PRH1: variants seen among roughly 807,000 people sequenced by gnomAD.
PRH1 encodes the protein salivary acidic proline-rich phosphoprotein 1/2.
A neutral mutation model predicts 7.9 loss-of-function variants in PRH1; 7 were observed. That is an observed-to-expected ratio of 0.89 (90% confidence interval 0.50 to 1.67). The LOEUF (loss-of-function observed/expected upper bound fraction) is 1.67, where lower values mean the gene tolerates loss of function less well. PRH1 is among the 40% of genes most tolerant of loss of function. PRH1 has a pLI of 0.00. For missense variants in PRH1, 109 were observed against 223.6 expected, an observed-to-expected ratio of 0.49 and a Z score of 3.27; for synonymous variants, 45 against 80.8, an observed-to-expected ratio of 0.56 and a Z score of 2.38.
At chr12:11,077,719 GA>G in intron 1 of PRH1, 1 of 1,220,634 alleles carries the variant, frequency 8.2e-7, no homozygotes, top group Non-Finnish European at 1.2e-6. Flanking sequence ...AGTCAAGTTT[GA>G]AAGGTGTATT....
intron 1 of PRH1, among the ~76,000 whole-genome samples, chr12:11,039,749 C>A (rs1354290589): frequency 2.0e-5 from 3 of 152,206 alleles, no homozygotes; most frequent in Admixed American, 2.0e-4. Context: ...GGCCAATAAT[C>A]CTTAAATCCT....
intron 1 of PRH1, among the ~76,000 whole-genome samples, chr12:11,144,617 T>C (rs1946809906): frequency 6.6e-6 from 1 of 152,234 alleles, no homozygotes; most frequent in East Asian, 1.9e-4. Context: ...AGGAGGCTTC[T>C]TGACCAGTTC....
intron 1 of PRH1, among the ~76,000 whole-genome samples, chr12:11,062,952 CAT>C (rs776529078): frequency 1.3e-4 from 20 of 152,100 alleles, no homozygotes; most frequent in South Asian, 4.1e-4. Context: ...CAAACACACA[CAT>C]GTGCACACCA....
At chr12:10,932,757 C>G (rs893282696) in intron 2 of PRH1, among the ~76,000 whole-genome samples, 18 of 152,114 alleles carry the variant, frequency 1.2e-4, no homozygotes, top group Non-Finnish European at 7.4e-5. Flanking sequence ...ATGATTCTTA[C>G]CATTCTTAAG....
At chr12:11,093,625 T>A (rs1944997189) in intron 1 of PRH1, among the ~76,000 whole-genome samples, 1 of 115,918 alleles carries the variant, frequency 8.6e-6, no homozygotes, top group Non-Finnish European at 2.0e-5. Flanking sequence ...TTAGCAATTT[T>A]ATAACAATTC....
At chr12:11,168,381 AAAG>A (rs1565726555) in intron 1 of PRH1, among the ~76,000 whole-genome samples, 1 of 5,628 alleles carries the variant, frequency 1.8e-4, no homozygotes, top group African/African-American at 2.7e-4. Flanking sequence ...AGAAAGAAAG[AAAG>A]AAAGAAAGAA....
intron 2 of PRH1, among the ~76,000 whole-genome samples, chr12:10,933,473 A>G (rs2135874071): frequency 6.6e-6 from 1 of 152,208 alleles, no homozygotes; most frequent in East Asian, 1.9e-4. Flanking sequence ...AGTAATAACT[A>G]TAAATCTCAC....
chr12:11,137,682 C>T (rs547981383), intron 1 of PRH1, among the ~76,000 whole-genome samples: 1 of 152,276 alleles, frequency 6.6e-6, no homozygotes, highest in Non-Finnish European at 1.5e-5. Flanking sequence ...AAATAAACTA[C>T]ACTTAATTTC....
In PRH1 at chr12:11,168,359, AAAAGAAAGAAAAGAAAGAAAGAAAGAAAG is replaced by A. The variant is rs1219100432; in HGVS notation, n.39+3034_39+3062del. 1.0e-4 allele frequency among the ~76,000 whole-genome samples: 9 copies of A among 87,638 alleles called. 2 individuals are homozygous for A. The East Asian group carries it at 2.2e-3, about 22-fold the overall frequency. The allele number at this position is 87,638 out of a possible 152,430, so 57.5% of individuals were successfully genotyped here. On this transcript the variant is annotated intron_variant and non_coding_transcript_variant, in intron 1 of 1. Coordinates refer to the PRH1 transcript ENST00000541175. The stretch of plus-strand genomic sequence containing the variant: ...AGGAAGGAAGGGAAAGAAAGGAAAG[AAAAGAAAGAAAAGAAAGAAAGAAAGAAAG>A]AAAGAAAGAAAGAAAGAAAGAAAGA...
At chr12:10,938,454 A>T (rs140885325) in intron 2 of PRH1, 1 of 1,613,980 alleles carries the variant, frequency 6.2e-7, no homozygotes, top group Admixed American at 1.7e-5. Flanking sequence ...TCAGAGGTCC[A>T]AACTGATATG....
At chr12:10,944,774 T>G (rs1950459973) in intron 2 of PRH1, among the ~76,000 whole-genome samples, 1 of 152,214 alleles carries the variant, frequency 6.6e-6, no homozygotes, top group Admixed American at 6.5e-5. Flanking sequence ...TGAAGGGATG[T>G]TGAATTTTTA....
intron 2 of PRH1, among the ~76,000 whole-genome samples, chr12:10,903,546 C>T (rs12312008): frequency 4.6e-5 from 7 of 151,886 alleles, no homozygotes; most frequent in Admixed American, 2.0e-4. Flanking sequence ...TAAGAGCCAT[C>T]TATGACAAAA....
intron 1 of PRH1, among the ~76,000 whole-genome samples, chr12:11,036,932 G>C (rs763381493): frequency 1.3e-5 from 2 of 152,326 alleles, no homozygotes; most frequent in African/African-American, 4.8e-5. Flanking sequence ...AGCGTGATGA[G>C]AGAACACTAC....
chr12:10,888,255 T>C (rs892581758), upstream of PRH1, among the ~76,000 whole-genome samples: 1 of 152,218 alleles, frequency 6.6e-6, no homozygotes, highest in African/African-American at 2.4e-5. Context: ...TTCAGGTCAA[T>C]TGATTCGCAA....
At chr12:10,975,428 T>C (rs1939043106) in intron 1 of PRH1, among the ~76,000 whole-genome samples, 1 of 152,108 alleles carries the variant, frequency 6.6e-6, no homozygotes, top group African/African-American at 2.4e-5. Context: ...AAGGGAGTAC[T>C]AAACATGGAA....
intron 1 of PRH1, among the ~76,000 whole-genome samples, chr12:10,973,983 G>T (rs1051889485): frequency 2.6e-5 from 4 of 152,182 alleles, no homozygotes; most frequent in Non-Finnish European, 5.9e-5. Context: ...AAAGTGGGGG[G>T]ATTACAGTTT....
intron 2 of PRH1, among the ~76,000 whole-genome samples, chr12:10,932,511 G>A (rs1276300776): frequency 6.6e-6 from 1 of 151,952 alleles, no homozygotes; most frequent in Non-Finnish European, 1.5e-5. Context: ...TTCTTAGCTC[G>A]AATTTAAATT....
intron 1 of PRH1, among the ~76,000 whole-genome samples, chr12:11,007,290 CATA>C (rs1287192379): frequency 6.6e-6 from 1 of 151,966 alleles, no homozygotes; most frequent in Admixed American, 6.6e-5. Flanking sequence ...TTAACAAGCT[CATA>C]AACACAAAAA....
Position 11,018,739 on chromosome 12 carries a change from C to G in PRH1, c.-126+28281G>C, listed in dbSNP as rs372278174. ...AGGACAGCAGTTGTAAAAGTGGCCA[C>G]GTGGGCATCCTTTCCACATCCCCTC... On this transcript the variant is annotated intron_variant, in intron 1 of 3. Coordinates refer to the PRH1 transcript ENST00000539853. 3.9e-5 allele frequency among the ~76,000 whole-genome samples: 6 copies of G among 152,344 alleles called. No homozygotes were observed. In the East Asian group the frequency reaches 7.7e-4, roughly 20 times the overall value.
Sources: gnomAD v4.1 joint callset for allele counts (sites outside exome capture counted in the v4.1 genomes callset) on GRCh38, gnomAD v4.1.1 for gene constraint, MANE v1.5 for transcripts, NCBI Gene and HGNC (gene_info 2026-07-23, HGNC 2026-07-21) for gene names.